Variants in ABCB1 observed in about 807,000 individuals in gnomAD.
The protein encoded by ABCB1 is ATP binding cassette subfamily B member 1.
In ABCB1, 69 loss-of-function variants were observed where a neutral mutation model predicts 142.0. That is an observed-to-expected ratio of 0.49 (90% CI 0.40 to 0.59). ABCB1 has a LOEUF of 0.59. ABCB1 is among the 20% of genes least tolerant of loss of function. The pLI, the probability that ABCB1 is intolerant of heterozygous loss-of-function variation, is 0.00. For synonymous variants in ABCB1, 532 were observed against 539.2 expected, an observed-to-expected ratio of 0.99 and a Z score of 0.18; for missense variants, 1,326 against 1,554.7, an observed-to-expected ratio of 0.85 and a Z score of 2.47.
chr7:87,624,285 T>G (rs1820329997), intron 1 of ABCB1, among the ~76,000 whole-genome samples: 1 of 152,244 alleles, frequency 6.6e-6, no homozygotes, highest in African/African-American at 2.4e-5. Flanking sequence ...TTAAAAAAAC[T>G]TACATCTTCA....
intron 4 of ABCB1, among the ~76,000 whole-genome samples, chr7:87,577,276 A>C (rs972387353): frequency 6.6e-6 from 1 of 152,038 alleles, no homozygotes; most frequent in African/African-American, 2.4e-5. Context: ...ATAGTACTCC[A>C]TTGTGTGTAT....
chr7:87,634,477 G>A (rs892472416), intron 1 of ABCB1, among the ~76,000 whole-genome samples: 8 of 134,026 alleles, frequency 6.0e-5, no homozygotes, highest in African/African-American at 8.0e-5. Flanking sequence ...CAAACAGTCA[G>A]GCGTGGTGGT....
At chr7:87,685,892 T>C (rs555439561) in intron 1 of ABCB1, among the ~76,000 whole-genome samples, 34 of 152,336 alleles carry the variant, frequency 2.2e-4, no homozygotes, top group Non-Finnish European at 2.9e-4. Context: ...TCGATTATAA[T>C]ATGTAAGATT....
intron 1 of ABCB1, among the ~76,000 whole-genome samples, chr7:87,671,555 A>C (rs1825824946): frequency 6.6e-6 from 1 of 152,134 alleles, no homozygotes; most frequent in South Asian, 2.1e-4. Context: ...TCACCAGTGA[A>C]GGCCGCAAAA....
intron 1 of ABCB1, among the ~76,000 whole-genome samples, chr7:87,679,397 AC>A (rs1478894901): frequency 2.0e-5 from 3 of 148,318 alleles, no homozygotes; most frequent in Non-Finnish European, 4.5e-5. Context: ...CCGGCCCCCA[AC>A]TTTTTTTTAA....
chr7:87,682,900 T>C (rs1827067535), intron 1 of ABCB1, among the ~76,000 whole-genome samples: 1 of 152,224 alleles, frequency 6.6e-6, no homozygotes, highest in South Asian at 2.1e-4. Context: ...CTATGAAAGG[T>C]TTAGATGGCA....
intron 21 of ABCB1, chr7:87,521,439 A>C (rs774297995): frequency 4.3e-6 from 3 of 694,308 alleles, no homozygotes; most frequent in Non-Finnish European, 7.9e-6. Context: ...GCATCCTTAA[A>C]GTCTCTCTTT....
intron 17 of ABCB1, among the ~76,000 whole-genome samples, chr7:87,543,674 T>C (rs540258332): frequency 6.6e-6 from 1 of 152,284 alleles, no homozygotes; most frequent in Non-Finnish European, 1.5e-5. Flanking sequence ...TCTTAGCAAG[T>C]GGGATGAAAA....
Position 87,595,667 on chromosome 7 carries a change from C to G in ABCB1, c.117+99G>C. The stretch of plus-strand genomic sequence containing the variant: ...TATTTTGCATCTCCATTAACATACC[C>G]TATACGAAAATCTTACATCAGATGA... On this transcript the variant is annotated intron_variant, in intron 3 of 27. Coordinates refer to ENST00000622132, the MANE Select transcript of ABCB1 (RefSeq NM_001348946.2). The G allele has an allele frequency of 7.2e-6, 7 of 969,226 alleles. No individual in the cohort carries two copies. In the East Asian group the frequency reaches 1.7e-4, roughly 23 times the overall value. The allele number at this position is 969,226 out of a possible 1,614,324, so 60.0% of individuals were successfully genotyped here.
In ABCB1 at chr7:87,562,898, C is replaced by T. The variant is rs543884618; in HGVS notation, c.703-1511G>A. 2.6e-4 allele frequency among the ~76,000 whole-genome samples: 39 copies of T among 151,990 alleles called. No homozygotes were observed. The South Asian group carries it at 4.0e-3, about 15-fold the overall frequency. On this transcript the variant is annotated intron_variant, in intron 7 of 27. Transcript: ENST00000622132. ...AGAATCACTTGAGGCCAAGAGTTCA[C>T]GACCAGCCTGGGCAACACATAGAAA... is the stretch of plus-strand genomic sequence containing the variant.
At chr7:87,669,846 G>A (rs1825656581) in intron 1 of ABCB1, among the ~76,000 whole-genome samples, 2 of 152,286 alleles carry the variant, frequency 1.3e-5, no homozygotes, top group South Asian at 4.1e-4. Context: ...TCCACTGTTA[G>A]CCTAATGGAG....
intron 25 of ABCB1, among the ~76,000 whole-genome samples, chr7:87,514,629 G>C (rs1022824181): frequency 1.3e-5 from 2 of 152,074 alleles, no homozygotes; most frequent in African/African-American, 4.8e-5. Flanking sequence ...CCCCACTCAA[G>C]TGCTGTCCTT....
chr7:87,622,546 C>T (rs948138458), intron 1 of ABCB1, among the ~76,000 whole-genome samples: 7 of 152,124 alleles, frequency 4.6e-5, no homozygotes, highest in African/African-American at 1.2e-4. Flanking sequence ...ATTCAGAATA[C>T]ACTTTCTGAA....
chr7:87,579,702 T>C (rs1029914147), intron 4 of ABCB1, among the ~76,000 whole-genome samples: 3 of 152,198 alleles, frequency 2.0e-5, no homozygotes, highest in Admixed American at 2.0e-4. Context: ...TGTTTGTTGT[T>C]TTTTGTGATC....
chr7:87,511,857 G>A (rs774019711), intron 25 of ABCB1, among the ~76,000 whole-genome samples: 1 of 152,198 alleles, frequency 6.6e-6, no homozygotes, highest in Admixed American at 6.5e-5. Context: ...GTATCCCAAA[G>A]GGGGTTCTGA....
At chr7:87,684,746 C>CAAAAAAAAAAAA (rs71524694) in intron 1 of ABCB1, among the ~76,000 whole-genome samples, 2 of 37,790 alleles carry the variant, frequency 5.3e-5, no homozygotes, top group African/African-American at 1.8e-4. Context: ...GACTCCGTCT[C>CAAAAAAAAAAAA]AAAAAAAAAA....
chr7:87,696,231 G>A (rs1563140922), intron 1 of ABCB1, among the ~76,000 whole-genome samples: 1 of 152,258 alleles, frequency 6.6e-6, no homozygotes, highest in East Asian at 1.9e-4. Flanking sequence ...TCAAGATATA[G>A]AGTAGTCAGT....
intron 20 of ABCB1, among the ~76,000 whole-genome samples, chr7:87,534,196 T>G (rs557234167): frequency 6.6e-6 from 1 of 152,178 alleles, no homozygotes; most frequent in South Asian, 2.1e-4. Context: ...CTGCTCTGGG[T>G]TCTGCTGCAA....
rs1392341225 is a variant in ABCB1 at position 87,515,224 on chromosome 7, T to G, written c.3282+7A>C. The G allele has an allele frequency of 6.2e-7, 1 of 1,612,752 alleles. No homozygotes were observed. The highest frequency in any genetic ancestry group is 1.7e-5 in the Admixed American group (1 of 60,008). On this transcript the variant is annotated splice_region_variant and intron_variant, in intron 25 of 27. Coordinates refer to ENST00000622132, the MANE Select transcript of ABCB1 (RefSeq NM_001348946.2). ...CTGAACTGAGCTAAATGTGAAAGTG[T>G]GCTCACCACTTTCCCTGCCAAGGGG...
Sources: allele counts gnomAD v4.1 joint callset (sites outside exome capture counted in the v4.1 genomes callset), GRCh38; gene constraint gnomAD v4.1.1; transcripts MANE v1.5; gene names NCBI Gene and HGNC (gene_info 2026-07-23, HGNC 2026-07-21).